The following MPG variants were observed in gnomAD, a reference collection of about 807,000 sequenced individuals.
MPG encodes the protein N-methylpurine DNA glycosylase.
Under a neutral mutation model 31.7 loss-of-function variants are expected in MPG, and 33 were observed. The observed-to-expected ratio is 1.04, with a 90% confidence interval of 0.79 to 1.39. MPG has a LOEUF of 1.39. MPG is among the 40% of genes most tolerant of loss of function. The probability of loss-of-function intolerance (pLI) is 0.00; values close to 1 mark genes in which losing one functional copy is unlikely to be tolerated. For synonymous variants in MPG, 202 were observed against 169.2 expected (o/e 1.19, Z -1.51); for missense variants, 455 against 415.5 (o/e 1.10, Z -0.83).
chr16:82,919 C>T (rs1250687883), intron 2 of MPG, 133 bp from the exon 3 acceptor site: 8 of 705,424 alleles, frequency 1.1e-5, no homozygotes, highest in Admixed American at 2.7e-5. Context: ...AGGATGGAGA[C>T]GGGGCAAGGT....
chr16:77,567 C>T (rs1898120953), upstream of MPG, among the ~76,000 whole-genome samples: 1 of 152,232 alleles, frequency 6.6e-6, no homozygotes, highest in African/African-American at 2.4e-5. Flanking sequence ...GCAGGCCCAA[C>T]CCAGAACGTG....
At position 85,641 on chromosome 16, in the gene MPG, C is replaced by T. The variant is rs755957305; in HGVS notation, c.746C>T (p.Pro249Leu). The T allele has an allele frequency of 8.6e-5, 137 of 1,592,608 alleles. No individual in the cohort carries two copies. The highest frequency in any genetic ancestry group is 1.1e-4 in the Non-Finnish European group (126 of 1,165,116). ...LERGPLEPSE[P>L]AVVAAARVGV... The stretch of plus-strand genomic sequence containing the variant: ...CGTGGTCCCCTGGAGCCCAGTGAGC[C>T]GGCTGTAGTGGCAGCAGCCCGGGTG... Residue 249 changes from proline (P) to leucine (L), a missense_variant, in exon 4 of 4, where the codon CCG becomes CTG. Pro to Leu is a moderately conservative substitution (Grantham distance 98, BLOSUM62 -3). Coordinates refer to ENST00000356432, the MANE Select transcript of MPG (RefSeq NM_001015052.3).
In MPG at chr16:85,577, C is replaced by T. The variant is rs750309675; in HGVS notation, c.682C>T (p.Gln228Ter). 2.5e-5 allele frequency: 40 copies of T among 1,613,190 alleles called. No homozygotes were observed. The highest frequency in any genetic ancestry group is 8.3e-5 in the Admixed American group (5 of 59,982). Residue 228 changes from glutamine to a stop codon, truncating the protein, a stop_gained, in exon 4 of 4, where the codon CAG becomes TAG. Transcript: ENST00000356432. LOFTEE classifies it high-confidence loss of function. ...QALAINKSFDQRDLAQDEAVW... is the reference protein window; with the variant it reads ...QALAINKSFD ...CCTGGCCATCAACAAGAGCTTTGAC[C>T]AGAGGGACCTGGCACAGGATGAAGC... is the stretch of plus-strand genomic sequence containing the variant.
At chr16:80,577 G>A (rs1468881796) in intron 2 of MPG, among the ~76,000 whole-genome samples, 1 of 152,182 alleles carries the variant, frequency 6.6e-6, no homozygotes, top group Non-Finnish European at 1.5e-5. Flanking sequence ...TTGGGAGGCG[G>A]AGGTGGGTGG....
At chr16:82,959 CCT>C (rs1898291380) in intron 2 of MPG, 91 bp from the exon 3 acceptor site, 5 of 1,175,866 alleles carry the variant, frequency 4.3e-6, no homozygotes, top group Non-Finnish European at 6.0e-6. Context: ...GCTGACACAC[CCT>C]GAGCTGGGGA....
chr16:82,980 C>G, intron 2 of MPG, 72 bp from the exon 3 acceptor site: 9 of 1,375,714 alleles, frequency 6.5e-6, no homozygotes, highest in Non-Finnish European at 9.0e-6. Context: ...GAGATGAGGT[C>G]CAGGCTGGGC....
intron 3 of MPG, chr16:84,367 T>C (rs1898355249): frequency 6.6e-6 from 1 of 152,266 alleles, no homozygotes; most frequent in Admixed American, 6.5e-5. Flanking sequence ...CTTTGTCCAC[T>C]AGTGCTCGCC....
At chr16:85,116 GGGAGGCCCT>G in intron 3 of MPG, among the ~76,000 whole-genome samples, 1 of 152,368 alleles carries the variant, frequency 6.6e-6, no homozygotes, top group East Asian at 1.9e-4. Context: ...GCCACAGTGG[GGGAGGCCCT>G]GCCTGGTGGT....
At chr16:80,886 G>A (rs1324692577) in intron 2 of MPG, among the ~76,000 whole-genome samples, 1 of 152,198 alleles carries the variant, frequency 6.6e-6, no homozygotes, top group Non-Finnish European at 1.5e-5. Flanking sequence ...TAGGAACAGG[G>A]CAAGGGCGCA....
chr16:78,366 G>A, intron 1 of MPG, 33 bp downstream of exon 1: 1 of 1,208,330 alleles, frequency 8.3e-7, no homozygotes, highest in Non-Finnish European at 1.0e-6. Flanking sequence ...CCGCGGAACA[G>A]ACGCGCCCAC....
Position 85,688 on chromosome 16 carries a change from TG to T in MPG, c.796del (p.Ala266ProfsTer39). On this transcript the variant is annotated frameshift_variant, in exon 4 of 4. Transcript: ENST00000356432. LOFTEE classifies it high-confidence loss of function. ...ARVGVGHAGEWARKPLRFYVR... is the reference protein window; with the variant it reads ...ARVGVGHAGEXARKPLRFYVR... ...GGTGGGCGTCGGCCATGCAGGGGAG[TG>T]GGCCCGGAAACCCCTCCGCTTCTAT... The T allele has an allele frequency of 1.3e-6, 2 of 1,554,126 alleles. No individual in the cohort carries two copies. Among genetic ancestry groups the T allele is most frequent in the South Asian group, 2.4e-5 (2 of 82,798 alleles).
rs899655252 is a variant in MPG, at chr16:85,660, C to T, written c.765C>T (p.Ala255=). The T allele has an allele frequency of 6.3e-7, 1 of 1,585,164 alleles. No homozygotes were observed. The highest frequency in any genetic ancestry group is 8.6e-7 in the Non-Finnish European group (1 of 1,161,512). Reference sequence around the variant, plus strand: ...GTGAGCCGGCTGTAGTGGCAGCAGCCCGGGTGGGCGTCGGCCATGCAGGGG... The same window carrying T: ...GTGAGCCGGCTGTAGTGGCAGCAGCTCGGGTGGGCGTCGGCCATGCAGGGG... ...EPSEPAVVAA[A]RVGVGHAGEW... The change falls in exon 4 of 4, where the codon GCC becomes GCT. Residue 255 remains alanine, a synonymous_variant. Coordinates refer to ENST00000356432, the MANE Select transcript of MPG (RefSeq NM_001015052.3).
chr16:81,473 ACCCTTT>A (rs959755438), intron 2 of MPG, among the ~76,000 whole-genome samples: 1 of 152,048 alleles, frequency 6.6e-6, no homozygotes, highest in Non-Finnish European at 1.5e-5. Flanking sequence ...GAACAGGGCC[ACCCTTT>A]CTCCCCTGGA....
chr16:80,002 C>G (rs933697576), intron 2 of MPG, among the ~76,000 whole-genome samples: 1 of 152,262 alleles, frequency 6.6e-6, no homozygotes, highest in Non-Finnish European at 1.5e-5. Flanking sequence ...CACCGGCAAT[C>G]CACCTCAGTT....
chr16:78,484 C>A, intron 1 of MPG, 151 bp downstream of exon 1: 1 of 707,938 alleles, frequency 1.4e-6, no homozygotes, highest in Non-Finnish European at 1.8e-6. Flanking sequence ...GGCCAAGGGC[C>A]AAGCTCGGGC....
At chr16:77,744 C>A (rs1349744506), upstream of MPG, among the ~76,000 whole-genome samples, 2 of 152,194 alleles carry the variant, frequency 1.3e-5, no homozygotes, top group African/African-American at 2.4e-5. Flanking sequence ...GATAAGGACT[C>A]CCCGGCCCAC....
At chr16:82,277 C>G (rs1898272046) in intron 2 of MPG, among the ~76,000 whole-genome samples, 1 of 152,256 alleles carries the variant, frequency 6.6e-6, no homozygotes, top group Non-Finnish European at 1.5e-5. Flanking sequence ...AGCTCCAGTG[C>G]CCCTCCTCCC....
At chr16:77,308 T>C (rs1280222016), upstream of MPG, among the ~76,000 whole-genome samples, 2 of 152,178 alleles carry the variant, frequency 1.3e-5, no homozygotes, top group African/African-American at 4.8e-5. Flanking sequence ...GTGCTGGGGC[T>C]GCCATGGGCC....
chr16:81,598 T>C (rs2541631), intron 2 of MPG, among the ~76,000 whole-genome samples: 3,377 of 135,128 alleles, frequency 0.025, 475 homozygotes, highest in African/African-American at 0.11. Flanking sequence ...CACCACCCTA[T>C]CTCCAGGAAG....
Sources: allele counts gnomAD v4.1 joint callset (sites outside exome capture counted in the v4.1 genomes callset), GRCh38; gene constraint gnomAD v4.1.1; transcripts MANE v1.5; gene names NCBI Gene and HGNC (gene_info 2026-07-23, HGNC 2026-07-21).